Variants in CHD7 observed in about 807,000 individuals in gnomAD.
The protein encoded by CHD7 is ATP-dependent chromatin remodeler CHD7.
A neutral mutation model predicts 307.3 loss-of-function variants in CHD7; 24 were observed. The observed-to-expected ratio is 0.08, with a 90% CI of 0.06 to 0.11. CHD7 has a LOEUF of 0.11. Ranked by LOEUF, CHD7 falls within the 10% of genes least tolerant of loss-of-function variation. The pLI, the probability that CHD7 is intolerant of heterozygous loss-of-function variation, is 1.00. For missense variants in CHD7, 3,106 were observed against 3,727.1 expected (o/e 0.83, Z 4.34); for synonymous variants, 1,363 against 1,349.9 (o/e 1.01, Z -0.21).
intron 8 of CHD7, among the ~76,000 whole-genome samples, chr8:60,819,099 A>G (rs989891027): frequency 6.6e-6 from 1 of 151,972 alleles, no homozygotes; most frequent in Non-Finnish European, 1.5e-5. Context: ...GATTACAGGC[A>G]CCTGCCATCA....
At chr8:60,864,865 C>T in intron 37 of CHD7, 151 bp from the exon 38 acceptor site, 2 of 775,766 alleles carry the variant, frequency 2.6e-6, no homozygotes, top group Non-Finnish European at 4.0e-6. Flanking sequence ...ACAAGTTTTG[C>T]TGTCATTAAG....
rs577273533 is a variant in CHD7, at chr8:60,786,375, A to G, written c.2096+4945A>G. On this transcript the variant is annotated intron_variant, in intron 3 of 37. Transcript: ENST00000423902. ...TCAAGGGAAGAGATTGCCTAATAATACTGACCTTGAAAGCAAGTTTGCCAA... is the reference window on the plus strand; with the variant it reads ...TCAAGGGAAGAGATTGCCTAATAATGCTGACCTTGAAAGCAAGTTTGCCAA... Among the ~76,000 whole-genome samples, 3 of 152,284 alleles carry G rather than the reference A, an allele frequency of 2.0e-5. No individual in the cohort carries two copies. The East Asian group carries it at 5.8e-4, about 29-fold the overall frequency.
chr8:60,827,210 G>T (rs1211080513), intron 13 of CHD7, among the ~76,000 whole-genome samples: 2 of 150,812 alleles, frequency 1.3e-5, no homozygotes, highest in Non-Finnish European at 2.9e-5. Flanking sequence ...TAACTAACCT[G>T]CACAATGTAC....
At chr8:60,807,740 T>C (rs1812602370) in intron 6 of CHD7, among the ~76,000 whole-genome samples, 1 of 152,246 alleles carries the variant, frequency 6.6e-6, no homozygotes, top group Non-Finnish European at 1.5e-5. Flanking sequence ...TTTAGAGTTA[T>C]TAAGTATATG....
rs1408014438 is a variant in CHD7, at chr8:60,842,029, G to T, written c.4827G>T (p.Val1609=). The T allele has an allele frequency of 6.2e-7, 1 of 1,613,412 alleles. No homozygotes were observed. The highest frequency in any genetic ancestry group is 8.5e-7 in the Non-Finnish European group (1 of 1,179,498). Reference sequence around the variant, plus strand: ...ATGCAAGGAGTGAATGTTTCAGGGTGGAGAAGAATCTGCTTGTCTATGGGT... The same window carrying T: ...ATGCAAGGAGTGAATGTTTCAGGGTTGAGAAGAATCTGCTTGTCTATGGGT... ...QGYARSECFR[V]EKNLLVYGWG... Residue 1609 remains valine (V), a synonymous_variant, in exon 21 of 38, where the codon GTG becomes GTT. Transcript: ENST00000423902.
intron 34 of CHD7, among the ~76,000 whole-genome samples, chr8:60,857,137 C>T (rs1298191075): frequency 6.6e-6 from 1 of 152,226 alleles, no homozygotes; most frequent in Non-Finnish European, 1.5e-5. Context: ...CTCAGAAGAA[C>T]AGCCAAACCT....
At position 60,865,978 on chromosome 8, in the gene CHD7, G is replaced by T; in HGVS notation, c.*45G>T. On this transcript the variant is annotated 3_prime_UTR_variant, in exon 38 of 38. Transcript: ENST00000423902. The surrounding 1 kb of genome is among the most constrained non-coding windows in gnomAD (Gnocchi z 4.3). ...AAGTGTTTAAAACTTTTGACAAGTGGTAGTCCTACTGTTTACACTCACAGT... is the reference window on the plus strand; with the variant it reads ...AAGTGTTTAAAACTTTTGACAAGTGTTAGTCCTACTGTTTACACTCACAGT... The T allele has an allele frequency of 6.7e-7, 1 of 1,485,738 alleles. No homozygotes were observed. The highest frequency in any genetic ancestry group is 9.2e-7 in the Non-Finnish European group (1 of 1,085,482). 92.0% of individuals were successfully genotyped at this position (1,485,738 alleles called of 1,614,324 possible).
chr8:60,717,920 A>C (rs1216591133), intron 1 of CHD7, among the ~76,000 whole-genome samples: 1 of 152,128 alleles, frequency 6.6e-6, no homozygotes, highest in Non-Finnish European at 1.5e-5. Flanking sequence ...TTGCTATACT[A>C]TACTTTTTAT....
chr8:60,806,019 A>G (rs111541752), intron 6 of CHD7, among the ~76,000 whole-genome samples: 1 of 152,046 alleles, frequency 6.6e-6, no homozygotes, highest in Non-Finnish European at 1.5e-5. Flanking sequence ...ATCATCTACC[A>G]TCTTTTTGTC....
At chr8:60,687,902 T>C (rs558232090) in intron 1 of CHD7, among the ~76,000 whole-genome samples, 1 of 152,372 alleles carries the variant, frequency 6.6e-6, no homozygotes, top group East Asian at 1.9e-4. Context: ...ATGGTGCTGC[T>C]GTTGCCACGT....
chr8:60,744,478 ATTTTTTTTT>A lies in CHD7; in HGVS notation c.1665+1399_1665+1407del, dbSNP rs569101482. On this transcript the variant is annotated intron_variant, in intron 2 of 37. Transcript: ENST00000423902. ...GCCACTCAGGGCATCTCAGAGCAGC[ATTTTTTTTT>A]TTTTTTTTTTTTTTTTTAGTGGTGA... Among the ~76,000 whole-genome samples the A allele has an allele frequency of 7.5e-5, 5 of 66,668 alleles. No homozygotes were observed. In the Admixed American group the frequency reaches 8.0e-4, roughly 11 times the overall value. The allele number at this position is 66,668 out of a possible 152,430, so 43.7% of individuals were successfully genotyped here.
intron 31 of CHD7, among the ~76,000 whole-genome samples, chr8:60,853,825 G>A (rs922247091): frequency 6.6e-6 from 1 of 152,208 alleles, no homozygotes; most frequent in Non-Finnish European, 1.5e-5. Context: ...AAATGTGAGG[G>A]AAGGTGGTCA....
At chr8:60,706,903 T>C (rs1807048033) in intron 1 of CHD7, among the ~76,000 whole-genome samples, 1 of 152,146 alleles carries the variant, frequency 6.6e-6, no homozygotes, top group South Asian at 2.1e-4. Flanking sequence ...ATGTGCCATG[T>C]TGGTGTGCCG....
At chr8:60,821,658 A>G in intron 9 of CHD7, 132 bp from the exon 10 acceptor site, 2 of 637,846 alleles carry the variant, frequency 3.1e-6, no homozygotes, top group Non-Finnish European at 4.9e-6. Flanking sequence ...ATATACACAT[A>G]CATATATATG....
chr8:60,749,169 G>A (rs1428797412), intron 2 of CHD7, among the ~76,000 whole-genome samples: 2 of 151,648 alleles, frequency 1.3e-5, no homozygotes, highest in Non-Finnish European at 2.9e-5. Context: ...TCAGGAGTTC[G>A]AGACTAGTCT....
chr8:60,685,510 C>G (rs1471479512), intron 1 of CHD7, among the ~76,000 whole-genome samples: 1 of 152,044 alleles, frequency 6.6e-6, no homozygotes, highest in African/African-American at 2.4e-5. Flanking sequence ...TTTGGGTTCC[C>G]GGCACGTGGG....
intron 1 of CHD7, among the ~76,000 whole-genome samples, chr8:60,699,231 A>T (rs543205912): frequency 6.6e-6 from 1 of 152,148 alleles, no homozygotes; most frequent in Non-Finnish European, 1.5e-5. Context: ...AGATTTTCCC[A>T]TGTGTCATGT....
intron 2 of CHD7, among the ~76,000 whole-genome samples, chr8:60,778,095 T>A: frequency 3.4e-5 from 1 of 29,624 alleles, no homozygotes; most frequent in African/African-American, 1.2e-4. Context: ...TCTGGTGGGG[T>A]GGGGGGTGGA....
chr8:60,690,241 G>A (rs578137173), intron 1 of CHD7, among the ~76,000 whole-genome samples: 4 of 151,670 alleles, frequency 2.6e-5, no homozygotes, highest in Non-Finnish European at 4.4e-5. Context: ...TCTCCCACAC[G>A]AATAGTCTAT....
Sources: gnomAD v4.1 joint callset for allele counts (sites outside exome capture counted in the v4.1 genomes callset) on GRCh38, gnomAD v4.1.1 for gene constraint, Gnocchi (gnomAD v3.1) non-coding constraint, MANE v1.5 for transcripts, NCBI Gene and HGNC (gene_info 2026-07-23, HGNC 2026-07-21) for gene names.